Variants in C4orf17 observed in about 807,000 individuals in gnomAD.
The protein encoded by C4orf17 is chromosome 4 open reading frame 17.
Under a neutral mutation model 32.0 loss-of-function variants are expected in C4orf17, and 25 were observed. The ratio of observed to expected loss-of-function variants is 0.78; its 90% CI spans 0.57 to 1.09. C4orf17 has a LOEUF of 1.09. Among genes scored for constraint, C4orf17 ranks in the 50% least tolerant of loss-of-function variants. The pLI is 0.00. For missense variants in C4orf17, 420 were observed against 420.0 expected (o/e 1.00, Z 0.00); for synonymous variants, 149 against 145.8 (o/e 1.02, Z -0.16).
At chr4:99,530,171 T>C (rs1723454865) in intron 5 of C4orf17, among the ~76,000 whole-genome samples, 1 of 152,148 alleles carries the variant, frequency 6.6e-6, no homozygotes, top group East Asian at 1.9e-4. Flanking sequence ...AAACACAATC[T>C]TTGATTCAGA....
chr4:99,539,342 A>G lies in C4orf17; in HGVS notation c.808A>G (p.Arg270Gly), dbSNP rs1723616548. Residue 270 changes from arginine (R) to glycine (G), a missense_variant, in exon 7 of 9, where the codon AGA (arginine) becomes GGA (glycine). Arg to Gly is a moderately radical substitution (Grantham distance 125, BLOSUM62 -2). Coordinates refer to ENST00000326581, the MANE Select transcript of C4orf17 (RefSeq NM_032149.3). ...TACTGCAAAATCAAAAGTGCTGACC[A>G]GAGATACAGAAGGGGATCAACCAAC... Reference protein sequence around the residue: ...NFTAKSKVLTRDTEGDQPTRV... With the variant: ...NFTAKSKVLTGDTEGDQPTRV... The G allele has an allele frequency of 3.1e-6, 5 of 1,614,108 alleles. No individual in the cohort carries two copies.
chr4:99,511,694 C>T (rs1325271162), intron 1 of C4orf17, among the ~76,000 whole-genome samples: 1 of 151,992 alleles, frequency 6.6e-6, no homozygotes, highest in African/African-American at 2.4e-5. Context: ...GTACTCTTTT[C>T]CCCTCAATAC....
At chr4:99,521,105 G>A (rs908503541) in intron 2 of C4orf17, among the ~76,000 whole-genome samples, 7 of 152,178 alleles carry the variant, frequency 4.6e-5, no homozygotes, top group Admixed American at 4.6e-4. Flanking sequence ...CAGGCACGGT[G>A]GCTCACGCCT....
intron 2 of C4orf17, 69 bp from the exon 3 acceptor site, chr4:99,522,431 A>T (rs897242406): frequency 8.2e-7 from 1 of 1,224,326 alleles, no homozygotes; most frequent in Non-Finnish European, 1.2e-6. Context: ...TTGATCATTC[A>T]AAGAAAACCT....
chr4:99,517,910 A>G (rs1421195032), intron 2 of C4orf17, among the ~76,000 whole-genome samples: 1 of 152,132 alleles, frequency 6.6e-6, no homozygotes, highest in Non-Finnish European at 1.5e-5. Context: ...TCAAAACTGA[A>G]CTCTTGATCT....
intron 2 of C4orf17, among the ~76,000 whole-genome samples, chr4:99,518,090 G>T: frequency 6.6e-6 from 1 of 151,726 alleles, no homozygotes; most frequent in Admixed American, 6.6e-5. Flanking sequence ...TGTAAATTAA[G>T]CCACTTCTCT....
chr4:99,530,231 C>A (rs746939155), intron 5 of C4orf17, among the ~76,000 whole-genome samples: 3 of 152,074 alleles, frequency 2.0e-5, no homozygotes, highest in Admixed American at 6.6e-5. Context: ...CTATTCTTTC[C>A]ATCTTTCGTT....
rs1424620693 is a variant in C4orf17 at position 99,529,806 on chromosome 4, T to C, written c.403-9T>C. Reference sequence around the variant, plus strand: ...AATGTATATTGGTTATATTATACTTTTGATTTAGGAAGAAATTAAGGCCAA... The same window carrying C: ...AATGTATATTGGTTATATTATACTTCTGATTTAGGAAGAAATTAAGGCCAA... On this transcript the variant is annotated splice_polypyrimidine_tract_variant and intron_variant, in intron 4 of 8. Coordinates refer to ENST00000326581, the MANE Select transcript of C4orf17 (RefSeq NM_032149.3). 14 of 1,600,220 alleles carry C rather than the reference T, an allele frequency of 8.7e-6. No homozygotes were observed. Among genetic ancestry groups the C allele is most frequent in the Non-Finnish European group, 1.2e-5 (14 of 1,174,816 alleles).
At chr4:99,528,779 A>G (rs1723431762) in intron 4 of C4orf17, among the ~76,000 whole-genome samples, 1 of 152,130 alleles carries the variant, frequency 6.6e-6, no homozygotes, top group African/African-American at 2.4e-5. Flanking sequence ...CTTTCATGGG[A>G]ATGGTATGGG....
intron 1 of C4orf17, among the ~76,000 whole-genome samples, chr4:99,512,229 T>C (rs1486927847): frequency 6.6e-6 from 1 of 152,010 alleles, no homozygotes. Context: ...ATAGAAAAAA[T>C]ACAACAAGCA....
intron 2 of C4orf17, among the ~76,000 whole-genome samples, chr4:99,517,329 A>G (rs2718686): frequency 0.68 from 102,794 of 152,008 alleles, 34,928 homozygotes; most frequent in East Asian, 0.81. Context: ...AGGGGAATGG[A>G]TTCAATCTTC....
chr4:99,541,773 T>G (rs1421415983), intron 8 of C4orf17, 137 bp from the exon 9 acceptor site: 21 of 656,532 alleles, frequency 3.2e-5, no homozygotes. Context: ...AGGAATATAT[T>G]CTTTTGTGAA....
intron 2 of C4orf17, among the ~76,000 whole-genome samples, chr4:99,514,745 C>T (rs1723149837): frequency 1.3e-5 from 2 of 152,222 alleles, no homozygotes; most frequent in South Asian, 2.1e-4. Flanking sequence ...TCCAGCAATC[C>T]CACTACTGGG....
At chr4:99,540,602 C>A in intron 8 of C4orf17, 147 bp downstream of exon 8, 2 of 573,128 alleles carry the variant, frequency 3.5e-6, no homozygotes, top group Non-Finnish European at 3.1e-6. Context: ...GAGAGAGCAT[C>A]TGCTTACTTT....
chr4:99,521,182 T>G (rs967748181), intron 2 of C4orf17, among the ~76,000 whole-genome samples: 7 of 151,966 alleles, frequency 4.6e-5, no homozygotes, highest in Non-Finnish European at 7.4e-5. Context: ...GACCAGCCTG[T>G]CCAACATGGT....
intron 3 of C4orf17, 129 bp downstream of exon 3, chr4:99,522,838 A>C: frequency 1.5e-6 from 1 of 684,560 alleles, no homozygotes; most frequent in Non-Finnish European, 2.4e-6. Flanking sequence ...AGGAACATAA[A>C]TTTTGTTATA....
chr4:99,514,599 AC>A (rs1389574632), intron 2 of C4orf17, among the ~76,000 whole-genome samples: 4 of 152,220 alleles, frequency 2.6e-5, no homozygotes, highest in African/African-American at 9.6e-5. Flanking sequence ...AGTTAAAAAA[AC>A]AATAGATGTT....
Position 99,541,929 on chromosome 4 carries a change from A to G in C4orf17, c.900A>G (p.Pro300=), listed in dbSNP as rs1459532034. 1.5e-5 allele frequency: 25 copies of G among 1,613,530 alleles called. No individual in the cohort carries two copies. Among genetic ancestry groups the G allele is most frequent in the Non-Finnish European group, 2.1e-5 (25 of 1,179,790 alleles). ...TTTCAGAGGCTGAGCACAAGCCTCC[A>G]CTACTTATAAGAAGAAATAATATGA... is the stretch of plus-strand genomic sequence containing the variant. The part of the protein sequence containing the change: ...EVPKEAEHKP[P]LLIRRNNMKI... Residue 300 remains proline (P), a synonymous_variant, in exon 9 of 9, where the codon CCA becomes CCG. Coordinates refer to ENST00000326581, the MANE Select transcript of C4orf17 (RefSeq NM_032149.3).
At chr4:99,533,391 T>C (rs1162290019) in intron 5 of C4orf17, among the ~76,000 whole-genome samples, 2 of 152,148 alleles carry the variant, frequency 1.3e-5, no homozygotes, top group Admixed American at 1.3e-4. Context: ...GAAATGATTT[T>C]CAGGTACTGG....
Sources: gnomAD v4.1 joint callset for allele counts (sites outside exome capture counted in the v4.1 genomes callset) on GRCh38, gnomAD v4.1.1 for gene constraint, MANE v1.5 for transcripts, NCBI Gene and HGNC (gene_info 2026-07-23, HGNC 2026-07-21) for gene names.